The following CSMD2 variants were observed in gnomAD, a reference collection of about 807,000 sequenced individuals.
CSMD2 encodes the protein CUB and Sushi multiple domains 2, also known as CUB and sushi domain-containing protein 2.
CSMD2 carries 130 observed loss-of-function variants against 398.5 expected under a neutral mutation model. That is an observed-to-expected ratio of 0.33 (90% CI 0.28 to 0.38). The LOEUF (loss-of-function observed/expected upper bound fraction) is 0.38, where lower values mean the gene tolerates loss of function less well. Among genes scored for constraint, CSMD2 ranks in the 10% least tolerant of loss-of-function variants. The pLI is 1.00. For synonymous variants in CSMD2, 1,828 were observed against 1,908.5 expected, an observed-to-expected ratio of 0.96 and a Z score of 1.10; for missense variants, 3,829 against 4,764.9, an observed-to-expected ratio of 0.80 and a Z score of 5.78.
At chr1:33,985,435 A>C (rs1039044708) in intron 3 of CSMD2, among the ~76,000 whole-genome samples, 1 of 152,218 alleles carries the variant, frequency 6.6e-6, no homozygotes, top group Non-Finnish European at 1.5e-5. Flanking sequence ...CTCTGGAGGA[A>C]GGCAGGACGT....
At chr1:34,116,896 G>A (rs1305499019) in intron 1 of CSMD2, among the ~76,000 whole-genome samples, 1 of 151,866 alleles carries the variant, frequency 6.6e-6, no homozygotes, top group African/African-American at 2.4e-5. Context: ...AAGAACCAAT[G>A]GGTCAAAGAA....
At chr1:33,568,835 A>T (rs1659312414) in intron 52 of CSMD2, among the ~76,000 whole-genome samples, 1 of 152,146 alleles carries the variant, frequency 6.6e-6, no homozygotes, top group Non-Finnish European at 1.5e-5. Flanking sequence ...GCCCTCTTTT[A>T]GACTCCAGGG....
At chr1:33,778,669 T>A (rs1421150362) in intron 12 of CSMD2, among the ~76,000 whole-genome samples, 1 of 152,128 alleles carries the variant, frequency 6.6e-6, no homozygotes, top group Non-Finnish European at 1.5e-5. Context: ...GCACTAAAGG[T>A]ATAGCATTGC....
At chr1:33,538,819 T>C (rs1189012022) in intron 60 of CSMD2, among the ~76,000 whole-genome samples, 2 of 152,210 alleles carry the variant, frequency 1.3e-5, no homozygotes, top group Admixed American at 6.5e-5. Flanking sequence ...GATGAGGGTG[T>C]GCATCCAGAA....
intron 46 of CSMD2, 66 bp downstream of exon 46, chr1:33,586,438 G>C (rs1639083969): frequency 1.9e-6 from 2 of 1,055,192 alleles, no homozygotes; most frequent in Non-Finnish European, 2.9e-6. Context: ...AGAAAGAGGA[G>C]CAAAACAAGA....
intron 5 of CSMD2, among the ~76,000 whole-genome samples, chr1:33,901,410 G>A (rs1194385064): frequency 1.3e-5 from 2 of 152,226 alleles, no homozygotes; most frequent in African/African-American, 4.8e-5. Flanking sequence ...ACTCTACTGA[G>A]CCCTGAGGAT....
chr1:33,745,388 T>A (rs953942407), intron 13 of CSMD2, among the ~76,000 whole-genome samples: 3 of 152,228 alleles, frequency 2.0e-5, no homozygotes, highest in African/African-American at 7.2e-5. Context: ...TAGTTCCAAA[T>A]ATGGATAAAC....
At chr1:33,818,575 A>G (rs1657741271) in intron 9 of CSMD2, among the ~76,000 whole-genome samples, 1 of 152,248 alleles carries the variant, frequency 6.6e-6, no homozygotes, top group Admixed American at 6.5e-5. Flanking sequence ...GAGTTATGAC[A>G]AGAATTCTTT....
chr1:34,146,168 G>A (rs1456529648), intron 1 of CSMD2, among the ~76,000 whole-genome samples: 2 of 152,172 alleles, frequency 1.3e-5, no homozygotes, highest in Non-Finnish European at 2.9e-5. Flanking sequence ...CGAGTCACCA[G>A]GATTACAGGA....
intron 1 of CSMD2, among the ~76,000 whole-genome samples, chr1:34,156,132 G>A (rs912724702): frequency 4.6e-5 from 7 of 152,200 alleles, no homozygotes; most frequent in African/African-American, 9.7e-5. Flanking sequence ...GTCTGTTTTC[G>A]TGCTAGGAAC....
At chr1:33,701,483 G>A (rs1469101890) in intron 22 of CSMD2, among the ~76,000 whole-genome samples, 2 of 152,212 alleles carry the variant, frequency 1.3e-5, no homozygotes, top group Non-Finnish European at 2.9e-5. Flanking sequence ...AAGACCCCCT[G>A]GTGCTTTTGT....
At chr1:33,661,477 A>G (rs990857054) in intron 26 of CSMD2, among the ~76,000 whole-genome samples, 5 of 152,214 alleles carry the variant, frequency 3.3e-5, no homozygotes, top group Admixed American at 2.0e-4. Flanking sequence ...ATTTAAGGGC[A>G]TTAGCATAGC....
At position 33,567,656 on chromosome 1, in the gene CSMD2, C is replaced by T. The variant is rs144107939; in HGVS notation, c.8317G>A (p.Gly2773Ser). 3.2e-5 allele frequency: 52 copies of T among 1,613,986 alleles called. No homozygotes were observed. Among genetic ancestry groups the T allele is most frequent in the East Asian group, 6.7e-5 (3 of 44,890 alleles). The change falls in exon 53 of 71, where the codon GGC becomes AGC. Residue 2773 changes from glycine (G) to serine (S), a missense_variant. By Grantham distance (56) the Gly-to-Ser change is moderately conservative. Coordinates refer to ENST00000373381, the MANE Select transcript of CSMD2 (RefSeq NM_001281956.2). Reference protein sequence around the residue: ...YQCNAGFRLIGMSVRICQQDH... With the variant: ...YQCNAGFRLISMSVRICQQDH... The stretch of plus-strand genomic sequence containing the variant: ...TGCTGGCAGATGCGCACAGACATGC[C>T]GATCAGGCGGAAGCCAGCATTGCAT...
intron 55 of CSMD2, 82 bp downstream of exon 55, chr1:33,557,652 A>G: frequency 4.2e-6 from 5 of 1,190,222 alleles, no homozygotes; most frequent in Non-Finnish European, 4.7e-6. Context: ...ACACACACAC[A>G]CACACACATG....
At chr1:33,939,513 G>A (rs924644108) in intron 3 of CSMD2, among the ~76,000 whole-genome samples, 8 of 152,184 alleles carry the variant, frequency 5.3e-5, no homozygotes, top group African/African-American at 1.4e-4. Context: ...GTCATTTTCC[G>A]CAATGAGACG....
chr1:33,610,998 T>C (rs1382558479), intron 41 of CSMD2, 43 bp downstream of exon 41: 3 of 1,575,796 alleles, frequency 1.9e-6, no homozygotes, highest in Non-Finnish European at 2.6e-6. Flanking sequence ...GGGCAAGAGA[T>C]GGAGATAGAC....
chr1:34,022,429 GCT>G (rs977112322), intron 3 of CSMD2, among the ~76,000 whole-genome samples: 12 of 152,182 alleles, frequency 7.9e-5, no homozygotes, highest in African/African-American at 2.9e-4. Flanking sequence ...TAGACCCTGA[GCT>G]CTGACTTCAG....
At chr1:33,780,948 G>T (rs1363667303) in intron 12 of CSMD2, among the ~76,000 whole-genome samples, 1 of 152,238 alleles carries the variant, frequency 6.6e-6, no homozygotes, top group Non-Finnish European at 1.5e-5. Flanking sequence ...AAATAGCCAT[G>T]TGCTTGGCAT....
intron 2 of CSMD2, among the ~76,000 whole-genome samples, chr1:34,087,850 G>C (rs1194212685): frequency 6.6e-6 from 1 of 152,130 alleles, no homozygotes; most frequent in Non-Finnish European, 1.5e-5. Flanking sequence ...TGAAATATTT[G>C]TGGAATGAAT....
Sources: gnomAD v4.1 joint callset for allele counts (sites outside exome capture counted in the v4.1 genomes callset) on GRCh38, gnomAD v4.1.1 for gene constraint, MANE v1.5 for transcripts, NCBI Gene and HGNC (gene_info 2026-07-23, HGNC 2026-07-21) for gene names.